Variants in FMNL2 observed in about 807,000 individuals in gnomAD.
The protein encoded by FMNL2 is formin-like protein 2.
Under a neutral mutation model 130.2 loss-of-function variants are expected in FMNL2, and 51 were observed. That is an observed-to-expected ratio of 0.39 (90% CI 0.31 to 0.49). FMNL2 has a LOEUF of 0.49. Ranked by LOEUF, FMNL2 falls within the 20% of genes least tolerant of loss-of-function variation. The pLI is 0.85. For synonymous variants in FMNL2, 465 were observed against 467.1 expected (o/e 1.00, Z 0.06); for missense variants, 977 against 1,316.2 (o/e 0.74, Z 3.99).
In FMNL2 at chr2:152,561,762, G is replaced by A. The variant is rs186590748; in HGVS notation, c.596+727G>A. Among the ~76,000 whole-genome samples, 67 of 152,052 alleles carry A rather than the reference G, an allele frequency of 4.4e-4. No individual in the cohort carries two copies. The East Asian group carries it at 0.013, about 29-fold the overall frequency. ...CTAATTTTTTTTTGTAATTCTAGTA[G>A]AGGCAGGGTTTCACAATGTTGGCCA... On this transcript the variant is annotated intron_variant, in intron 6 of 25. Coordinates refer to ENST00000288670, the MANE Select transcript of FMNL2 (RefSeq NM_052905.4).
intron 17 of FMNL2, among the ~76,000 whole-genome samples, chr2:152,627,661 CA>C (rs1681886728): frequency 6.6e-6 from 1 of 152,108 alleles, no homozygotes; most frequent in African/African-American, 2.4e-5. Flanking sequence ...TTTAGCTGAA[CA>C]AAGATTGTCC....
At chr2:152,547,408 G>A (rs1052682580) in intron 3 of FMNL2, among the ~76,000 whole-genome samples, 1 of 152,132 alleles carries the variant, frequency 6.6e-6, no homozygotes, top group Admixed American at 6.5e-5. Context: ...ATCACATTGG[G>A]GACATTTTTA....
At chr2:152,617,686 T>C (rs1209263002) in intron 13 of FMNL2, among the ~76,000 whole-genome samples, 1 of 152,188 alleles carries the variant, frequency 6.6e-6, no homozygotes, top group Non-Finnish European at 1.5e-5. Flanking sequence ...GCAAACCCAA[T>C]CCATTTTATT....
chr2:152,612,873 C>A (rs1424835682), intron 11 of FMNL2, among the ~76,000 whole-genome samples: 1 of 152,182 alleles, frequency 6.6e-6, no homozygotes, highest in Admixed American at 6.5e-5. Flanking sequence ...ACCTGAATTT[C>A]AAGCCTGTTT....
chr2:152,467,471 C>T (rs534478219), intron 1 of FMNL2, among the ~76,000 whole-genome samples: 62 of 152,324 alleles, frequency 4.1e-4, no homozygotes, highest in Middle Eastern at 3.4e-3. Context: ...CTTCCCTCGG[C>T]CCCTGTTTCC....
At chr2:152,488,023 G>A (rs1469284216) in intron 1 of FMNL2, among the ~76,000 whole-genome samples, 4 of 151,956 alleles carry the variant, frequency 2.6e-5, no homozygotes, top group African/African-American at 4.8e-5. Context: ...CAAGTGATAC[G>A]CCCACCTCGG....
chr2:152,404,854 T>C lies in FMNL2; in HGVS notation c.117+69134T>C, dbSNP rs372815341. On this transcript the variant is annotated intron_variant, in intron 1 of 25. Coordinates refer to ENST00000288670, the MANE Select transcript of FMNL2 (RefSeq NM_052905.4). The stretch of plus-strand genomic sequence containing the variant: ...CATTTTCTCCCATGTTGAAATAACA[T>C]GAGATGGAGAACATTGTGTGTTGAT... Among the ~76,000 whole-genome samples, 20 of 152,284 alleles carry C rather than the reference T, an allele frequency of 1.3e-4. 1 individual carries two copies. The South Asian group carries it at 2.3e-3, about 17-fold the overall frequency.
intron 12 of FMNL2, among the ~76,000 whole-genome samples, chr2:152,615,700 G>A (rs552554019): frequency 6.6e-6 from 1 of 152,268 alleles, no homozygotes; most frequent in Non-Finnish European, 1.5e-5. Context: ...CAGAAAAATG[G>A]TGCTTCTCAA....
Position 152,575,120 on chromosome 2 carries a change from C to G in FMNL2, c.597-16C>G, listed in dbSNP as rs768173003. On this transcript the variant is annotated splice_polypyrimidine_tract_variant and intron_variant, in intron 6 of 25. Coordinates refer to ENST00000288670, the MANE Select transcript of FMNL2 (RefSeq NM_052905.4). Reference sequence around the variant, plus strand: ...GTAACCTGTTGTTTTATAGAAGTTTCTCTTTTTGTTTGTAGATATAATACA... The same window carrying G: ...GTAACCTGTTGTTTTATAGAAGTTTGTCTTTTTGTTTGTAGATATAATACA... The G allele has an allele frequency of 1.8e-5, 27 of 1,496,064 alleles. No individual in the cohort carries two copies. The South Asian group carries it at 3.2e-4, about 18-fold the overall frequency. The allele number at this position is 1,496,064 out of a possible 1,614,324, so 92.7% of individuals were successfully genotyped here. A position where few individuals can be genotyped will look rare whatever the true frequency, so the allele number is the denominator to read the frequency against.
intron 1 of FMNL2, among the ~76,000 whole-genome samples, chr2:152,429,548 G>A (rs1687385304): frequency 6.6e-6 from 1 of 151,856 alleles, no homozygotes; most frequent in Admixed American, 6.6e-5. Context: ...AAGAACTGTT[G>A]CCGAATTAAT....
intron 1 of FMNL2, among the ~76,000 whole-genome samples, chr2:152,415,530 T>A (rs553642674): frequency 6.6e-6 from 1 of 151,950 alleles, no homozygotes; most frequent in Non-Finnish European, 1.5e-5. Flanking sequence ...CTGCCTGATG[T>A]TTTCCATTTT....
At chr2:152,624,086 TTCGCCTCCCC>T (rs1681592434) in intron 15 of FMNL2, among the ~76,000 whole-genome samples, 1 of 3,924 alleles carries the variant, frequency 2.5e-4, no homozygotes, top group Non-Finnish European at 4.8e-4. Flanking sequence ...CTCAATTCCC[TTCGCCTCCCC>T]TCCCCTCCCT....
At chr2:152,412,449 TATATA>T (rs1686350553) in intron 1 of FMNL2, among the ~76,000 whole-genome samples, 126 of 10,326 alleles carry the variant, frequency 0.012, 1 homozygote, top group Middle Eastern at 0.05. Context: ...GTATATTTTA[TATATA>T]TATATATATA....
intron 1 of FMNL2, among the ~76,000 whole-genome samples, chr2:152,360,333 T>G (rs4444472): frequency 0.57 from 86,848 of 151,618 alleles, 26,783 homozygotes; most frequent in Non-Finnish European, 0.72. Flanking sequence ...CCTCTTCTCT[T>G]CTCTTCTTTT....
intron 1 of FMNL2, among the ~76,000 whole-genome samples, chr2:152,347,611 C>A (rs1682203025): frequency 6.6e-6 from 1 of 151,940 alleles, no homozygotes; most frequent in African/African-American, 2.4e-5. Context: ...TATGTAGGTA[C>A]AAAATTTATG....
chr2:152,602,592 T>C (rs183322465), intron 9 of FMNL2, among the ~76,000 whole-genome samples: 472 of 152,308 alleles, frequency 3.1e-3, no homozygotes, highest in Admixed American at 4.8e-3. Flanking sequence ...GAACGAGATA[T>C]ACCAGTGAAT....
In FMNL2 at chr2:152,622,627, A is replaced by G. The variant is rs2105906434; in HGVS notation, c.1838-2811A>G. On this transcript the variant is annotated intron_variant, in intron 15 of 25. Coordinates refer to ENST00000288670, the MANE Select transcript of FMNL2 (RefSeq NM_052905.4). ...TCTGTTGGTCACACTGTGCCTTGAC[A>G]TCTTTCCACTCCATTTTGCTTTGAT... is the stretch of plus-strand genomic sequence containing the variant. The G allele has an allele frequency of 3.1e-5, 14 of 455,598 alleles. 1 individual carries two copies. Among genetic ancestry groups the G allele is most frequent in the South Asian group, 2.2e-4 (14 of 64,508 alleles). The allele number at this position is 455,598 out of a possible 1,614,324, so 28.2% of individuals were successfully genotyped here.
intron 1 of FMNL2, among the ~76,000 whole-genome samples, chr2:152,520,288 G>A (rs1670184640): frequency 6.6e-6 from 1 of 152,054 alleles, no homozygotes; most frequent in Non-Finnish European, 1.5e-5. Context: ...TTGAGGGGGG[G>A]TGATTAAAAT....
intron 1 of FMNL2, among the ~76,000 whole-genome samples, chr2:152,463,377 G>A (rs1689355172): frequency 2.0e-5 from 3 of 152,174 alleles, no homozygotes; most frequent in African/African-American, 7.2e-5. Context: ...AAGGTTCAGT[G>A]ACTTGCTGAA....
Sources: allele counts gnomAD v4.1 joint callset (sites outside exome capture counted in the v4.1 genomes callset), GRCh38; gene constraint gnomAD v4.1.1; transcripts MANE v1.5; gene names NCBI Gene and HGNC (gene_info 2026-07-23, HGNC 2026-07-21).